The following DCC variants were observed in gnomAD, a reference collection of about 807,000 sequenced individuals.
DCC encodes netrin receptor DCC.
A neutral mutation model predicts 172.5 loss-of-function variants in DCC; 58 were observed. That is an observed-to-expected ratio of 0.34 (90% confidence interval 0.27 to 0.42). The LOEUF is 0.42. Ranked by LOEUF, DCC falls within the 10% of genes least tolerant of loss-of-function variation. The pLI, the probability that DCC is intolerant of heterozygous loss-of-function variation, is 1.00. For synonymous variants in DCC, 709 were observed against 644.5 expected (o/e 1.10, Z -1.52); for missense variants, 1,740 against 1,791.0 (o/e 0.97, Z 0.51).
intron 15 of DCC, among the ~76,000 whole-genome samples, chr18:53,378,372 A>G (rs1907462908): frequency 6.6e-6 from 1 of 152,184 alleles, no homozygotes. Flanking sequence ...AAAATACATA[A>G]TATATCTTAC....
At chr18:53,182,186 T>C (rs779511065) in intron 9 of DCC, among the ~76,000 whole-genome samples, 4 of 152,234 alleles carry the variant, frequency 2.6e-5, no homozygotes, top group Non-Finnish European at 4.4e-5. Context: ...ATATAAATTC[T>C]ATTCTCTAAG....
chr18:52,829,680 G>A (rs1188820851), intron 2 of DCC, among the ~76,000 whole-genome samples: 1 of 151,696 alleles, frequency 6.6e-6, no homozygotes, highest in Non-Finnish European at 1.5e-5. Context: ...GTGTTCACAT[G>A]CATATATATT....
At chr18:53,263,337 A>G (rs2056628347) in intron 12 of DCC, among the ~76,000 whole-genome samples, 1 of 152,060 alleles carries the variant, frequency 6.6e-6, no homozygotes, top group Admixed American at 6.6e-5. Flanking sequence ...TTTTTAGTAG[A>G]GACAGGGTTT....
intron 1 of DCC, among the ~76,000 whole-genome samples, chr18:52,497,316 C>A (rs8098822): frequency 3.3e-5 from 1 of 30,560 alleles, no homozygotes; most frequent in Non-Finnish European, 7.0e-5. Context: ...TATATATATA[C>A]ACACACACAT....
rs199609253 is a variant in DCC at position 53,050,290 on chromosome 18, A to AACACCCAGAT, written c.986-13008_986-12999dup. On this transcript the variant is annotated intron_variant, in intron 5 of 28. Coordinates refer to ENST00000442544, the MANE Select transcript of DCC (RefSeq NM_005215.4). ...TTAATTTCTTCTGTTAACACCCAGA[A>AACACCCAGAT]ACACCCAGATACACCCGGAAACAAT... is the stretch of plus-strand genomic sequence containing the variant. Among the ~76,000 whole-genome samples, 881 of 150,630 alleles carry AACACCCAGAT rather than the reference A, an allele frequency of 5.8e-3. 7 individuals are homozygous for AACACCCAGAT. Among genetic ancestry groups the AACACCCAGAT allele is most frequent in the African/African-American group, 0.02 (827 of 41,414 alleles).
At chr18:52,770,696 C>T (rs1487676924) in intron 2 of DCC, among the ~76,000 whole-genome samples, 1 of 152,204 alleles carries the variant, frequency 6.6e-6, no homozygotes, top group Non-Finnish European at 1.5e-5. Context: ...CTTCTCTATT[C>T]ATCTAGGAGT....
intron 7 of DCC, among the ~76,000 whole-genome samples, chr18:53,119,362 A>T (rs1452144821): frequency 6.6e-6 from 1 of 151,664 alleles, no homozygotes; most frequent in Non-Finnish European, 1.5e-5. Flanking sequence ...TTGTGTACTT[A>T]GCCTCCCTCA....
At chr18:53,241,532 G>A (rs2056294705) in intron 12 of DCC, among the ~76,000 whole-genome samples, 2 of 152,082 alleles carry the variant, frequency 1.3e-5, no homozygotes, top group Admixed American at 1.3e-4. Context: ...AGAGGAAAGA[G>A]CTAAGAATGG....
At chr18:52,831,000 T>C (rs1223001973) in intron 2 of DCC, among the ~76,000 whole-genome samples, 1 of 152,090 alleles carries the variant, frequency 6.6e-6, no homozygotes, top group Admixed American at 6.5e-5. Flanking sequence ...TCTCAGGGCA[T>C]AGGGCAAGTC....
intron 5 of DCC, among the ~76,000 whole-genome samples, chr18:53,027,774 C>T (rs1203665334): frequency 6.6e-6 from 1 of 151,976 alleles, no homozygotes; most frequent in African/African-American, 2.4e-5. Flanking sequence ...TACTCTCCTA[C>T]TGATGTTAGC....
chr18:52,383,362 A>T (rs926422313), intron 1 of DCC, among the ~76,000 whole-genome samples: 1 of 152,052 alleles, frequency 6.6e-6, no homozygotes, highest in African/African-American at 2.4e-5. Context: ...TATCAGAGGG[A>T]TTAGTGTTTT....
At chr18:53,522,597 G>C (rs141497558) in intron 27 of DCC, among the ~76,000 whole-genome samples, 2 of 151,988 alleles carry the variant, frequency 1.3e-5, no homozygotes, top group African/African-American at 4.8e-5. Flanking sequence ...CAGAACAGAG[G>C]TCTCAGAAAC....
At chr18:52,472,125 A>G (rs1245723148) in intron 1 of DCC, among the ~76,000 whole-genome samples, 1 of 152,186 alleles carries the variant, frequency 6.6e-6, no homozygotes, top group Non-Finnish European at 1.5e-5. Context: ...GCAACTTTGT[A>G]CAAGAATGGA....
intron 1 of DCC, among the ~76,000 whole-genome samples, chr18:52,455,991 A>C (rs1429748460): frequency 6.6e-6 from 1 of 152,212 alleles, no homozygotes; most frequent in Non-Finnish European, 1.5e-5. Context: ...AACAAACAAA[A>C]AAAGGTTAAC....
intron 1 of DCC, among the ~76,000 whole-genome samples, chr18:52,543,619 G>A (rs2032527649): frequency 6.6e-6 from 1 of 152,184 alleles, no homozygotes; most frequent in Non-Finnish European, 1.5e-5. Flanking sequence ...AAACCCTTGG[G>A]GCTGTGGAGA....
chr18:53,503,924 A>G (rs2046136260), intron 27 of DCC, among the ~76,000 whole-genome samples: 1 of 152,210 alleles, frequency 6.6e-6, no homozygotes, highest in South Asian at 2.1e-4. Context: ...TCCATCTTCA[A>G]GGGATCAATA....
chr18:53,419,076 G>A (rs1013282557), intron 21 of DCC, among the ~76,000 whole-genome samples: 2 of 152,110 alleles, frequency 1.3e-5, no homozygotes, highest in Non-Finnish European at 2.9e-5. Context: ...TTTTTGTAGG[G>A]TTGGGTAAGG....
At chr18:53,130,429 T>C (rs1317485726) in intron 7 of DCC, among the ~76,000 whole-genome samples, 1 of 152,120 alleles carries the variant, frequency 6.6e-6, no homozygotes, top group Non-Finnish European at 1.5e-5. Flanking sequence ...TGTATACAGA[T>C]TTTATTTTTC....
chr18:53,133,518 T>C (rs1373559327), intron 7 of DCC, among the ~76,000 whole-genome samples: 1 of 152,184 alleles, frequency 6.6e-6, no homozygotes, highest in Non-Finnish European at 1.5e-5. Flanking sequence ...GTGTGTTTTA[T>C]TCCTTTCTTG....
Sources: allele counts gnomAD v4.1 joint callset (sites outside exome capture counted in the v4.1 genomes callset), GRCh38; gene constraint gnomAD v4.1.1; transcripts MANE v1.5; gene names NCBI Gene and HGNC (gene_info 2026-07-23, HGNC 2026-07-21).